DRC10: variants seen among roughly 807,000 people sequenced by gnomAD.
DRC10 encodes the protein IQ domain-containing protein D.
At chr12:113,220,083 C>T in the DRC10 span, among the ~76,000 whole-genome samples, 20 of 152,146 alleles carry the variant, frequency 1.3e-4, no homozygotes, top group Non-Finnish European at 2.9e-4. Flanking sequence ...CCTCGGCCTC[C>T]CAAAGTGCTG....
the DRC10 span, among the ~76,000 whole-genome samples, chr12:113,218,441 G>A: frequency 6.9e-6 from 1 of 145,388 alleles, no homozygotes; most frequent in East Asian, 2.1e-4. Flanking sequence ...CACCGTGCCC[G>A]GCTGCCTTTT....
the DRC10 span, chr12:113,203,155 A>G: frequency 2.5e-6 from 1 of 394,938 alleles, no homozygotes; most frequent in Non-Finnish European, 5.1e-6. Context: ...CTTCCTGAGT[A>G]GCTGGGACTA....
At chr12:113,205,713 C>A in the DRC10 span, among the ~76,000 whole-genome samples, 1 of 148,878 alleles carries the variant, frequency 6.7e-6, no homozygotes. Context: ...CAAGGTGAAA[C>A]CCCGTCTCTA....
chr12:113,208,503 C>G, the DRC10 span: 1 of 330,754 alleles, frequency 3.0e-6, no homozygotes, highest in Non-Finnish European at 5.1e-6. Flanking sequence ...GGCATACAGA[C>G]AGCATTCTAA....
the DRC10 span, among the ~76,000 whole-genome samples, chr12:113,197,367 T>C: frequency 1.3e-5 from 2 of 151,928 alleles, no homozygotes; most frequent in African/African-American, 4.8e-5. Flanking sequence ...CTTTCCCACC[T>C]CTCACTCTGC....
At chr12:113,207,131 T>G in the DRC10 span, 3 of 400,698 alleles carry the variant, frequency 7.5e-6, no homozygotes. Flanking sequence ...GAGGATCACT[T>G]GAGGTCAGGA....
At chr12:113,203,457 T>G in the DRC10 span, among the ~76,000 whole-genome samples, 1 of 107,638 alleles carries the variant, frequency 9.3e-6, no homozygotes, top group Non-Finnish European at 1.9e-5. Context: ...ACCCCTCCCC[T>G]CCCCTCCCCA....
the DRC10 span, chr12:113,196,022 C>T: frequency 7.4e-7 from 1 of 1,349,780 alleles, no homozygotes; most frequent in Non-Finnish European, 9.7e-7. Flanking sequence ...TTCAGCATCT[C>T]TCGGTCCCAG....
chr12:113,209,252 A>G, the DRC10 span, among the ~76,000 whole-genome samples: 1 of 152,208 alleles, frequency 6.6e-6, no homozygotes, highest in East Asian at 1.9e-4. Flanking sequence ...TGGGTGAAAT[A>G]TAACTTTGAA....
the DRC10 span, among the ~76,000 whole-genome samples, chr12:113,209,527 G>T: frequency 6.6e-6 from 1 of 152,168 alleles, no homozygotes; most frequent in Non-Finnish European, 1.5e-5. Flanking sequence ...AAGTAGCTAG[G>T]ACTATAGGTG....
the DRC10 span, among the ~76,000 whole-genome samples, chr12:113,201,057 T>G: frequency 6.6e-6 from 1 of 152,104 alleles, no homozygotes; most frequent in Non-Finnish European, 1.5e-5. Flanking sequence ...GAGAATCACT[T>G]GAATACAGGA....
the DRC10 span, chr12:113,197,570 T>A: frequency 2.0e-6 from 3 of 1,534,852 alleles, no homozygotes; most frequent in Non-Finnish European, 2.6e-6. Flanking sequence ...GTATCATATT[T>A]CTGGATCCAG....
chr12:113,203,055 C>G, the DRC10 span: 2 of 453,954 alleles, frequency 4.4e-6, no homozygotes, highest in South Asian at 3.1e-5. Context: ...GAGACAGGGT[C>G]TTGCTCTGCA....
At chr12:113,198,558 T>G in the DRC10 span, among the ~76,000 whole-genome samples, 3 of 152,212 alleles carry the variant, frequency 2.0e-5, no homozygotes, top group African/African-American at 7.2e-5. Context: ...TCCATTCATA[T>G]GAAGTGTCTA....
At chr12:113,195,776 C>G in the DRC10 span, 3 of 1,613,922 alleles carry the variant, frequency 1.9e-6, no homozygotes, top group Non-Finnish European at 2.5e-6. Flanking sequence ...AGTTGATCTC[C>G]CGCTCTTCCC....
At chr12:113,197,468 CT>C in the DRC10 span, 12 of 1,075,018 alleles carry the variant, frequency 1.1e-5, no homozygotes, top group Non-Finnish European at 1.5e-5. Context: ...CCCAAGGCTA[CT>C]TTTCCCATTC....
the DRC10 span, among the ~76,000 whole-genome samples, chr12:113,198,911 C>G: frequency 6.6e-6 from 1 of 151,776 alleles, no homozygotes; most frequent in African/African-American, 2.4e-5. Context: ...GGCAACAGAG[C>G]AAAACCCTGT....
chr12:113,197,662 A>G, the DRC10 span: 1 of 1,177,696 alleles, frequency 8.5e-7, no homozygotes, highest in Non-Finnish European at 1.2e-6. Flanking sequence ...TTAACAATCA[A>G]CAGCACTGAG....
chr12:113,199,081 G>A, the DRC10 span, among the ~76,000 whole-genome samples: 1 of 152,042 alleles, frequency 6.6e-6, no homozygotes, highest in African/African-American at 2.4e-5. Context: ...GGGATTACAG[G>A]TGCATGCCAC....
Sources: gnomAD v4.1 joint callset for allele counts (sites outside exome capture counted in the v4.1 genomes callset) on GRCh38, gnomAD v4.1.1 for gene constraint, MANE v1.5 for transcripts, NCBI Gene and HGNC (gene_info 2026-07-23, HGNC 2026-07-21) for gene names.